Variants in CHST14 observed in about 807,000 individuals in gnomAD.
CHST14 encodes the protein carbohydrate (N-acetylgalactosamine 4-0) sulfotransferase 14.
CHST14 carries 13 observed loss-of-function variants against 22.7 expected under a neutral mutation model. The observed-to-expected ratio is 0.57, with a 90% CI of 0.37 to 0.91. The LOEUF is 0.91. Ranked by LOEUF, CHST14 falls within the 40% of genes least tolerant of loss-of-function variation. The probability of loss-of-function intolerance (pLI) is 0.01; values close to 1 mark genes in which losing one functional copy is unlikely to be tolerated. For synonymous variants in CHST14, 233 were observed against 231.9 expected (o/e 1.00, Z -0.04); for missense variants, 466 against 513.1 (o/e 0.91, Z 0.89).
chr15:40,471,206 T>A lies in CHST14; in HGVS notation c.-8T>A, dbSNP rs1158091225. ...CGGGCCCGCGCAGGCCCCCACCCCT[T>A]GAGCACCATGTTCCCCCGCCCGCTG... is the stretch of plus-strand genomic sequence containing the variant. On this transcript the variant is annotated 5_prime_UTR_variant, in exon 1 of 1. Transcript: ENST00000306243. This position sits in a 1 kb window ranked among gnomAD's most constrained non-coding sequence, Gnocchi z 6.4. 2 of 1,379,996 alleles carry A rather than the reference T, an allele frequency of 1.4e-6. No homozygotes were observed. The highest frequency in any genetic ancestry group is 1.5e-5 in the African/African-American group (1 of 64,632). 85.5% of individuals were successfully genotyped at this position (1,379,996 alleles called of 1,614,324 possible). A position where few individuals can be genotyped will look rare whatever the true frequency, so the allele number is the denominator to read the frequency against.
rs768938583 is a variant in CHST14 at position 40,472,198 on chromosome 15, C to T, written c.985C>T (p.Arg329Trp). Reference sequence around the variant, plus strand: ...ATTTCCAGCTCGCCAGGCCTGGTACCGGCCAGCCAGCCCCGAAAGCCTGCA... The same window carrying T: ...ATTTCCAGCTCGCCAGGCCTGGTACTGGCCAGCCAGCCCCGAAAGCCTGCA... ...VRFPARQAWY[R>W]PASPESLHYH... The change falls in exon 1 of 1, where the codon CGG (arginine) becomes TGG (tryptophan). Residue 329 changes from arginine to tryptophan, a missense_variant. Physicochemically the swap from Arg to Trp is moderately radical, Grantham distance 101 (BLOSUM62 -3). Coordinates refer to ENST00000306243, the MANE Select transcript of CHST14 (RefSeq NM_130468.4). 22 of 1,613,998 alleles carry T rather than the reference C, an allele frequency of 1.4e-5. No individual in the cohort carries two copies. Among genetic ancestry groups the T allele is most frequent in the Middle Eastern group, 1.6e-4 (1 of 6,084 alleles).
At position 40,472,051 on chromosome 15, in the gene CHST14, A is replaced by T; in HGVS notation, c.838A>T (p.Met280Leu). 1 of 1,614,130 alleles carries T rather than the reference A, an allele frequency of 6.2e-7. No homozygotes were observed. Among genetic ancestry groups the T allele is most frequent in the South Asian group, 1.1e-5 (1 of 91,082 alleles). The change falls in exon 1 of 1, where the codon ATG becomes TTG. Residue 280 changes from methionine to leucine, a missense_variant. Physicochemically the swap from Met to Leu is conservative, Grantham distance 15. Transcript: ENST00000306243. ...EDPERMNEHW[M>L]PVYHLCQPCA... Reference sequence around the variant, plus strand: ...CCCTGAGCGCATGAATGAGCATTGGATGCCCGTGTACCACCTGTGCCAGCC... The same window carrying T: ...CCCTGAGCGCATGAATGAGCATTGGTTGCCCGTGTACCACCTGTGCCAGCC...
At position 40,471,951 on chromosome 15, in the gene CHST14, G is replaced by A; in HGVS notation, c.738G>A (p.Arg246=). The change falls in exon 1 of 1, where the codon AGG becomes AGA. Residue 246 remains arginine, a synonymous_variant. Coordinates refer to ENST00000306243, the MANE Select transcript of CHST14 (RefSeq NM_130468.4). The surrounding 1 kb of genome is among the most constrained non-coding windows in gnomAD (Gnocchi z 6.4). ...RYGAEIVRRY[R]AGAGPSPAGD... ...GGGCTGAGATAGTGAGGCGGTACAG[G>A]GCTGGAGCGGGGCCCAGCCCTGCAG... 6.2e-7 allele frequency: 1 copy of A among 1,614,052 alleles called. No individual in the cohort carries two copies. The highest frequency in any genetic ancestry group is 8.5e-7 in the Non-Finnish European group (1 of 1,180,028).
rs747719839 is a variant in CHST14, at chr15:40,471,494, C to T, written c.281C>T (p.Ser94Phe). Residue 94 changes from serine (S) to phenylalanine (F), a missense_variant, in exon 1 of 1, where the codon TCC becomes TTC. Ser to Phe is a radical substitution (Grantham distance 155, BLOSUM62 -2). Transcript: ENST00000306243. This position sits in a 1 kb window ranked among gnomAD's most constrained non-coding sequence, Gnocchi z 6.4. ...AAAGCCCCCAAGCCTGGGGGCCTGT[C>T]CCTCAGGGCTGGGGACGCGGACTTG... ...RGKAPKPGGL[S>F]LRAGDADLQV... is the part of the protein sequence containing the mutation. The T allele has an allele frequency of 6.2e-7, 1 of 1,600,178 alleles. No homozygotes were observed. The highest frequency in any genetic ancestry group is 8.5e-7 in the Non-Finnish European group (1 of 1,176,652).
Position 40,471,945 on chromosome 15 carries a change from G to C in CHST14, c.732G>C (p.Arg244=), listed in dbSNP as rs1208945086. The change falls in exon 1 of 1, where the codon CGG becomes CGC. Residue 244 remains arginine (R), a synonymous_variant. Transcript: ENST00000306243. This position sits in a 1 kb window ranked among gnomAD's most constrained non-coding sequence, Gnocchi z 6.4. ...QQRYGAEIVR[R]YRAGAGPSPA... is the part of the protein sequence containing the mutation. ...GCTATGGGGCTGAGATAGTGAGGCG[G>C]TACAGGGCTGGAGCGGGGCCCAGCC... is the stretch of plus-strand genomic sequence containing the variant. 15 of 1,613,988 alleles carry C rather than the reference G, an allele frequency of 9.3e-6. No homozygotes were observed. Among genetic ancestry groups the C allele is most frequent in the Non-Finnish European group, 1.3e-5 (15 of 1,180,046 alleles).
In CHST14 at chr15:40,471,349, A is replaced by G; in HGVS notation, c.136A>G (p.Met46Val). Residue 46 changes from methionine to valine, a missense_variant, in exon 1 of 1, where the codon ATG (methionine) becomes GTG (valine). Transcript: ENST00000306243. This position sits in a 1 kb window ranked among gnomAD's most constrained non-coding sequence, Gnocchi z 6.4. ...GCCCCTGCTGCTGCCGTCCATGCTG[A>G]TGTTTGCGGTGATCGTGGCCTCCAG... Reference protein sequence around the residue: ...GPPLLLPSMLMFAVIVASSGL... With the variant: ...GPPLLLPSMLVFAVIVASSGL... 1 of 1,551,010 alleles carries G rather than the reference A, an allele frequency of 6.4e-7. No individual in the cohort carries two copies. Among genetic ancestry groups the G allele is most frequent in the Non-Finnish European group, 8.7e-7 (1 of 1,153,050 alleles).
rs1007569346 is a variant in CHST14, at chr15:40,471,649, C to G, written c.436C>G (p.Arg146Gly). Residue 146 changes from arginine to glycine, a missense_variant, in exon 1 of 1, where the codon CGT becomes GGT. Transcript: ENST00000306243. This position sits in a 1 kb window ranked among gnomAD's most constrained non-coding sequence, Gnocchi z 6.4. ...GCTGCGCCACATCCTCGTAAGTGAC[C>G]GTTACCGCTTCCTCTACTGCTACGT... is the stretch of plus-strand genomic sequence containing the variant. ...TLLRHILVSDRYRFLYCYVPK... is the reference protein window; with the variant it reads ...TLLRHILVSDGYRFLYCYVPK... 1.2e-6 allele frequency: 2 copies of G among 1,613,534 alleles called. No homozygotes were observed. The highest frequency in any genetic ancestry group is 1.7e-6 in the Non-Finnish European group (2 of 1,180,006).
rs753381343 is a variant in CHST14, at chr15:40,471,618, C to T, written c.405C>T (p.Arg135=). 4.3e-6 allele frequency: 7 copies of T among 1,613,074 alleles called. No individual in the cohort carries two copies. The highest frequency in any genetic ancestry group is 5.9e-6 in the Non-Finnish European group (7 of 1,179,968). ...GGGACTTGCCGGTGGGGCAGCGGCG[C>T]ACCCTGCTGCGCCACATCCTCGTAA... The part of the protein sequence containing the change: ...DPWDLPVGQR[R]TLLRHILVSD... The change falls in exon 1 of 1, where the codon CGC becomes CGT. Residue 135 remains arginine, a synonymous_variant. Transcript: ENST00000306243. This position sits in a 1 kb window ranked among gnomAD's most constrained non-coding sequence, Gnocchi z 6.4.
In CHST14 at chr15:40,471,905, G is replaced by A. The variant is rs751335857; in HGVS notation, c.692G>A (p.Arg231Gln). 11 of 1,614,100 alleles carry A rather than the reference G, an allele frequency of 6.8e-6. No homozygotes were observed. Among genetic ancestry groups the A allele is most frequent in the Middle Eastern group, 1.6e-4 (1 of 6,062 alleles). Residue 231 changes from arginine (R) to glutamine (Q), a missense_variant, in exon 1 of 1, where the codon CGA becomes CAA. Physicochemically the swap from Arg to Gln is conservative, Grantham distance 43. Coordinates refer to ENST00000306243, the MANE Select transcript of CHST14 (RefSeq NM_130468.4). This position sits in a 1 kb window ranked among gnomAD's most constrained non-coding sequence, Gnocchi z 6.4. ...TACCGCAACAAGTTTGGCGAGATCC[G>A]AGAGTACCAGCAACGCTATGGGGCT... ...SAYRNKFGEIREYQQRYGAEI... is the reference protein window; with the variant it reads ...SAYRNKFGEIQEYQQRYGAEI...
Position 40,471,155 on chromosome 15 carries a change from G to A in CHST14, c.-59G>A. ...CTCCTCCCGCCCCCAGCCCGAGCCCGCCTTCCAGGCCGCCCTCGGATCGGC... is the reference window on the plus strand; with the variant it reads ...CTCCTCCCGCCCCCAGCCCGAGCCCACCTTCCAGGCCGCCCTCGGATCGGC... On this transcript the variant is annotated 5_prime_UTR_variant, in exon 1 of 1. Coordinates refer to ENST00000306243, the MANE Select transcript of CHST14 (RefSeq NM_130468.4). The surrounding 1 kb of genome is among the most constrained non-coding windows in gnomAD (Gnocchi z 6.4). 3.3e-6 allele frequency: 1 copy of A among 305,508 alleles called. No individual in the cohort carries two copies. The highest frequency in any genetic ancestry group is 4.5e-6 in the Non-Finnish European group (1 of 221,708). The allele number at this position is 305,508 out of a possible 1,614,324, so 18.9% of individuals were successfully genotyped here.
In CHST14 at chr15:40,471,584, G is replaced by A. The variant is rs1566969138; in HGVS notation, c.371G>A (p.Arg124Gln). 4.3e-6 allele frequency: 7 copies of A among 1,611,044 alleles called. No homozygotes were observed. Among genetic ancestry groups the A allele is most frequent in the Non-Finnish European group, 5.9e-6 (7 of 1,179,488 alleles). The change falls in exon 1 of 1, where the codon CGG becomes CAG. Residue 124 changes from arginine (R) to glutamine (Q), a missense_variant. Arg to Gln is a conservative substitution (Grantham distance 43). Transcript: ENST00000306243. The surrounding 1 kb of genome is among the most constrained non-coding windows in gnomAD (Gnocchi z 6.4). Reference protein sequence around the residue: ...RAVCGQPGMPRDPWDLPVGQR... With the variant: ...RAVCGQPGMPQDPWDLPVGQR... Reference sequence around the variant, plus strand: ...GTGTGCGGACAGCCAGGCATGCCCCGGGACCCCTGGGACTTGCCGGTGGGG... The same window carrying A: ...GTGTGCGGACAGCCAGGCATGCCCCAGGACCCCTGGGACTTGCCGGTGGGG...
rs1894356462 is a variant in CHST14 at position 40,471,965 on chromosome 15, C to T, written c.752C>T (p.Pro251Leu). The T allele has an allele frequency of 1.2e-6, 2 of 1,614,060 alleles. No homozygotes were observed. Among genetic ancestry groups the T allele is most frequent in the Non-Finnish European group, 1.7e-6 (2 of 1,180,022 alleles). ...IVRRYRAGAG[P>L]SPAGDDVTFP... ...AGGCGGTACAGGGCTGGAGCGGGGC[C>T]CAGCCCTGCAGGCGACGATGTCACA... Residue 251 changes from proline to leucine, a missense_variant, in exon 1 of 1, where the codon CCC becomes CTC. Transcript: ENST00000306243. This position sits in a 1 kb window ranked among gnomAD's most constrained non-coding sequence, Gnocchi z 6.4.
rs1894364921 is a variant in CHST14, at chr15:40,472,446, T to C, written c.*102T>C. The C allele has an allele frequency of 7.4e-7, 1 of 1,358,016 alleles. No individual in the cohort carries two copies. 84.1% of individuals were successfully genotyped at this position (1,358,016 alleles called of 1,614,324 possible). On this transcript the variant is annotated 3_prime_UTR_variant, in exon 1 of 1. Coordinates refer to ENST00000306243, the MANE Select transcript of CHST14 (RefSeq NM_130468.4). ...AAACTCTGGCTCTGGGGCTTGGGGC[T>C]TCTCAGGATCCTGGATGGCAGAGAC... is the stretch of plus-strand genomic sequence containing the variant.
rs1894364785 is a variant in CHST14, at chr15:40,472,438, C to T, written c.*94C>T. 7.1e-7 allele frequency: 1 copy of T among 1,401,518 alleles called. No homozygotes were observed. Among genetic ancestry groups the T allele is most frequent in the Non-Finnish European group, 9.7e-7 (1 of 1,027,668 alleles). The allele number at this position is 1,401,518 out of a possible 1,614,324, so 86.8% of individuals were successfully genotyped here. ...ATTCGGAGAAACTCTGGCTCTGGGG[C>T]TTGGGGCTTCTCAGGATCCTGGATG... On this transcript the variant is annotated 3_prime_UTR_variant, in exon 1 of 1. Coordinates refer to ENST00000306243, the MANE Select transcript of CHST14 (RefSeq NM_130468.4).
chr15:40,472,642 G>A lies in CHST14; in HGVS notation c.*298G>A, dbSNP rs374870714. ...ACTGGCTCCAGACCCCGGGCTGCCA[G>A]GATTATGCAGTCCACTTGGTCTACC... is the stretch of plus-strand genomic sequence containing the variant. On this transcript the variant is annotated 3_prime_UTR_variant, in exon 1 of 1. Coordinates refer to ENST00000306243, the MANE Select transcript of CHST14 (RefSeq NM_130468.4). 4.4e-4 allele frequency: 184 copies of A among 413,552 alleles called. 1 individual carries two copies. The highest frequency in any genetic ancestry group is 2.9e-3 in the African/African-American group (144 of 50,006). 25.6% of individuals were successfully genotyped at this position (413,552 alleles called of 1,614,324 possible). A position where few individuals can be genotyped will look rare whatever the true frequency, so the allele number is the denominator to read the frequency against.
chr15:40,471,507 G>C lies in CHST14; in HGVS notation c.294G>C (p.Gly98=). ...CTGGGGGCCTGTCCCTCAGGGCTGG[G>C]GACGCGGACTTGCAAGTGCGGCAGG... ...PKPGGLSLRA[G]DADLQVRQDV... is the part of the protein sequence containing the mutation. The change falls in exon 1 of 1, where the codon GGG becomes GGC. Residue 98 remains glycine, a synonymous_variant. Transcript: ENST00000306243. The surrounding 1 kb of genome is among the most constrained non-coding windows in gnomAD (Gnocchi z 6.4). 1 of 1,600,632 alleles carries C rather than the reference G, an allele frequency of 6.2e-7. No individual in the cohort carries two copies. The highest frequency in any genetic ancestry group is 8.5e-7 in the Non-Finnish European group (1 of 1,176,174).
Position 40,471,583 on chromosome 15 carries a change from C to G in CHST14, c.370C>G (p.Arg124Gly). Reference sequence around the variant, plus strand: ...GGTGTGCGGACAGCCAGGCATGCCCCGGGACCCCTGGGACTTGCCGGTGGG... The same window carrying G: ...GGTGTGCGGACAGCCAGGCATGCCCGGGGACCCCTGGGACTTGCCGGTGGG... ...RAVCGQPGMP[R>G]DPWDLPVGQR... The change falls in exon 1 of 1, where the codon CGG becomes GGG. Residue 124 changes from arginine to glycine, a missense_variant. Coordinates refer to ENST00000306243, the MANE Select transcript of CHST14 (RefSeq NM_130468.4). This position sits in a 1 kb window ranked among gnomAD's most constrained non-coding sequence, Gnocchi z 6.4. The G allele has an allele frequency of 6.2e-7, 1 of 1,610,980 alleles. No homozygotes were observed. Among genetic ancestry groups the G allele is most frequent in the Non-Finnish European group, 8.5e-7 (1 of 1,179,442 alleles).
Position 40,471,228 on chromosome 15 carries a change from G to T in CHST14, c.15G>T (p.Pro5=). The T allele has an allele frequency of 7.2e-7, 1 of 1,388,742 alleles. No individual in the cohort carries two copies. The highest frequency in any genetic ancestry group is 1.5e-5 in the South Asian group (1 of 66,112). The allele number at this position is 1,388,742 out of a possible 1,614,324, so 86.0% of individuals were successfully genotyped here. The change falls in exon 1 of 1, where the codon CCG becomes CCT. Residue 5 remains proline (P), a synonymous_variant. Coordinates refer to ENST00000306243, the MANE Select transcript of CHST14 (RefSeq NM_130468.4). This position sits in a 1 kb window ranked among gnomAD's most constrained non-coding sequence, Gnocchi z 6.4. MFPR[P]LTPLAAPNGA... ...CCTTGAGCACCATGTTCCCCCGCCC[G>T]CTGACCCCGCTGGCGGCCCCAAATG...
rs961195680 is a variant in CHST14, at chr15:40,471,201, C to A, written c.-13C>A. On this transcript the variant is annotated 5_prime_UTR_variant, in exon 1 of 1. Coordinates refer to ENST00000306243, the MANE Select transcript of CHST14 (RefSeq NM_130468.4). The surrounding 1 kb of genome is among the most constrained non-coding windows in gnomAD (Gnocchi z 6.4). Reference sequence around the variant, plus strand: ...TCGGCCGGGCCCGCGCAGGCCCCCACCCCTTGAGCACCATGTTCCCCCGCC... The same window carrying A: ...TCGGCCGGGCCCGCGCAGGCCCCCAACCCTTGAGCACCATGTTCCCCCGCC... 74 of 1,370,154 alleles carry A rather than the reference C, an allele frequency of 5.4e-5. No individual in the cohort carries two copies. In the African/African-American group the frequency reaches 6.9e-4, roughly 13 times the overall value. The allele number at this position is 1,370,154 out of a possible 1,614,324, so 84.9% of individuals were successfully genotyped here.
Sources: gnomAD v4.1 joint callset for allele counts on GRCh38, gnomAD v4.1.1 for gene constraint, Gnocchi (gnomAD v3.1) non-coding constraint, MANE v1.5 for transcripts, NCBI Gene and HGNC (gene_info 2026-07-23, HGNC 2026-07-21) for gene names.